Variants in SLC7A14 observed in about 807,000 individuals in gnomAD.
The protein encoded by SLC7A14 is solute carrier family 7 member 14, also known as gamma-aminobutyric acid transporter SLC7A14.
In SLC7A14, 37 loss-of-function variants were observed where a neutral mutation model predicts 60.2. The ratio of observed to expected loss-of-function variants is 0.61; its 90% CI spans 0.47 to 0.81. The LOEUF is 0.81. Among genes scored for constraint, SLC7A14 ranks in the 30% least tolerant of loss-of-function variants. The pLI is 0.00. For synonymous variants in SLC7A14, 399 were observed against 395.8 expected (o/e 1.01, Z -0.10); for missense variants, 886 against 982.7 (o/e 0.90, Z 1.32).
intron 4 of SLC7A14, among the ~76,000 whole-genome samples, chr3:170,493,912 A>G (rs975019897): frequency 3.9e-5 from 6 of 152,186 alleles, no homozygotes. Context: ...ATTCACTAGG[A>G]CATATATCAT....
chr3:170,511,053 G>A (rs1712964775), intron 2 of SLC7A14, among the ~76,000 whole-genome samples: 1 of 152,208 alleles, frequency 6.6e-6, no homozygotes, highest in Non-Finnish European at 1.5e-5. Context: ...AATGAAGTAA[G>A]ATGTTGCACA....
At chr3:170,495,838 G>C in intron 4 of SLC7A14, 1 of 1,142,742 alleles carries the variant, frequency 8.8e-7, no homozygotes. Flanking sequence ...AAGATGGCTC[G>C]GATCAACGTA....
At chr3:170,567,717 G>A (rs1053186361) in intron 1 of SLC7A14, among the ~76,000 whole-genome samples, 25 of 151,992 alleles carry the variant, frequency 1.6e-4, no homozygotes, top group Non-Finnish European at 2.9e-4. Flanking sequence ...GGTGTGAGAT[G>A]GTATCTCATT....
chr3:170,520,251 G>T (rs1019798919), intron 2 of SLC7A14, among the ~76,000 whole-genome samples: 2 of 152,146 alleles, frequency 1.3e-5, no homozygotes, highest in Non-Finnish European at 2.9e-5. Context: ...TGCAGTAAGT[G>T]TAACACCACT....
chr3:170,500,740 C>T (rs778317366), intron 3 of SLC7A14, among the ~76,000 whole-genome samples: 3 of 152,102 alleles, frequency 2.0e-5, no homozygotes, highest in Admixed American at 6.5e-5. Flanking sequence ...TGACGTATGA[C>T]ATTACATTAA....
chr3:170,477,040 C>T (rs1013257655), intron 7 of SLC7A14, among the ~76,000 whole-genome samples: 1 of 152,232 alleles, frequency 6.6e-6, no homozygotes, highest in Admixed American at 6.5e-5. Context: ...GAGCATTAAA[C>T]CAAGCATGGG....
In SLC7A14 at chr3:170,467,058, C is replaced by G; in HGVS notation, c.2313G>C (p.Glu771Asp). 1.9e-6 allele frequency: 3 copies of G among 1,603,252 alleles called. No individual in the cohort carries two copies. The highest frequency in any genetic ancestry group is 2.6e-6 in the Non-Finnish European group (3 of 1,174,046). ...TCTACCCACTTGTGTGTTTCTCCTACTCTGGAGAGTAATCTAACTCATCAT... is the reference window on the plus strand; with the variant it reads ...TCTACCCACTTGTGTGTTTCTCCTAGTCTGGAGAGTAATCTAACTCATCAT... The part of the protein sequence containing the change: ...IANDELDYSP[E>D] The change falls in exon 8 of 8, where the codon GAG becomes GAC. Residue 771 changes from glutamate to aspartate, a missense_variant. Glu to Asp is a conservative substitution (Grantham distance 45). Transcript: ENST00000231706.
intron 5 of SLC7A14, among the ~76,000 whole-genome samples, chr3:170,483,812 C>T (rs1711927284): frequency 6.6e-6 from 1 of 152,212 alleles, no homozygotes; most frequent in Admixed American, 6.5e-5. Flanking sequence ...GCCCCATGAG[C>T]AGAGCTATGC....
At chr3:170,519,769 C>G (rs1246865574) in intron 2 of SLC7A14, among the ~76,000 whole-genome samples, 1 of 152,180 alleles carries the variant, frequency 6.6e-6, no homozygotes, top group African/African-American at 2.4e-5. Context: ...GAGCAAGACT[C>G]TATCTCAAAA....
intron 4 of SLC7A14, among the ~76,000 whole-genome samples, chr3:170,488,792 A>C (rs1013673998): frequency 6.6e-6 from 1 of 152,218 alleles, no homozygotes; most frequent in South Asian, 2.1e-4. Context: ...GTCTGGGCAA[A>C]AATTTCTTGA....
chr3:170,505,456 T>C (rs2108282736), intron 2 of SLC7A14, among the ~76,000 whole-genome samples: 1 of 152,344 alleles, frequency 6.6e-6, no homozygotes, highest in East Asian at 1.9e-4. Flanking sequence ...CAGGACATAT[T>C]TATTTTTTAA....
intron 1 of SLC7A14, among the ~76,000 whole-genome samples, chr3:170,566,838 A>AAAAAC (rs1391789501): frequency 6.6e-6 from 1 of 152,002 alleles, no homozygotes; most frequent in East Asian, 1.9e-4. Context: ...AAAAGAAAAG[A>AAAAAC]AAAACAAAAC....
At chr3:170,582,722 T>C (rs1715269732) in intron 1 of SLC7A14, among the ~76,000 whole-genome samples, 1 of 152,186 alleles carries the variant, frequency 6.6e-6, no homozygotes, top group Non-Finnish European at 1.5e-5. Flanking sequence ...GAGAATATGT[T>C]TGGTAAATAT....
chr3:170,501,182 G>T lies in SLC7A14; in HGVS notation c.468C>A (p.Ser156Arg), dbSNP rs376520889. 14 of 1,614,114 alleles carry T rather than the reference G, an allele frequency of 8.7e-6. No homozygotes were observed. The highest frequency in any genetic ancestry group is 2.2e-5 in the South Asian group (2 of 91,086). The change falls in exon 3 of 8, where the codon AGC becomes AGA. Residue 156 changes from serine to arginine, a missense_variant. Physicochemically the swap from Ser to Arg is moderately radical, Grantham distance 110. Coordinates refer to ENST00000231706, the MANE Select transcript of SLC7A14 (RefSeq NM_020949.3). ...GTAAGASALS[S>R]MFDSLANHTI... Reference sequence around the variant, plus strand: ...TGTGGTTGGCTAGTGAGTCAAACATGCTGCTCAGAGCACTGGCTCCGGCCG... The same window carrying T: ...TGTGGTTGGCTAGTGAGTCAAACATTCTGCTCAGAGCACTGGCTCCGGCCG...
intron 4 of SLC7A14, among the ~76,000 whole-genome samples, chr3:170,490,518 G>A (rs559886765): frequency 7.8e-4 from 119 of 152,328 alleles, no homozygotes; most frequent in Non-Finnish European, 1.4e-3. Flanking sequence ...ACCATGCCAC[G>A]TAAGGAAGAA....
chr3:170,574,083 A>T (rs925674260), intron 1 of SLC7A14, among the ~76,000 whole-genome samples: 1 of 152,324 alleles, frequency 6.6e-6, no homozygotes, highest in Non-Finnish European at 1.5e-5. Context: ...TCAGCCTGTG[A>T]GACAATTGTG....
rs866794036 is a variant in SLC7A14 at position 170,480,304 on chromosome 3, C to A, written c.1978G>T (p.Val660Phe). Residue 660 changes from valine to phenylalanine, a missense_variant, in exon 7 of 8, where the codon GTC becomes TTC. Val to Phe is a conservative substitution (Grantham distance 50, BLOSUM62 -1). Coordinates refer to ENST00000231706, the MANE Select transcript of SLC7A14 (RefSeq NM_020949.3). ...AGTTGCTTACCCACAAAGCACCAGA[C>A]CGCAAACCGGATCCATGTGATGGTG... ...LSTITWIRFA[V>F]WCFVGLLIYF... The A allele has an allele frequency of 1.3e-6, 2 of 1,536,382 alleles. No individual in the cohort carries two copies. Among genetic ancestry groups the A allele is most frequent in the Admixed American group, 2.0e-5 (1 of 48,792 alleles).
intron 1 of SLC7A14, among the ~76,000 whole-genome samples, chr3:170,569,351 G>C (rs1348517404): frequency 3.9e-5 from 6 of 152,164 alleles, no homozygotes; most frequent in Non-Finnish European, 8.8e-5. Context: ...TTGCATCCCA[G>C]GGATGAAGCC....
At chr3:170,530,165 A>C (rs892019367) in intron 1 of SLC7A14, among the ~76,000 whole-genome samples, 128 of 152,328 alleles carry the variant, frequency 8.4e-4, no homozygotes, top group African/African-American at 2.9e-3. Context: ...GTACAGGCTT[A>C]GAGGAAATAA....
Sources: gnomAD v4.1 joint callset for allele counts (sites outside exome capture counted in the v4.1 genomes callset) on GRCh38, gnomAD v4.1.1 for gene constraint, MANE v1.5 for transcripts, NCBI Gene and HGNC (gene_info 2026-07-23, HGNC 2026-07-21) for gene names.